Variants in RBM45 observed in about 807,000 individuals in gnomAD.
The protein encoded by RBM45 is RNA binding motif protein 45.
In RBM45, 39 loss-of-function variants were observed where a neutral mutation model predicts 58.5. That is an observed-to-expected ratio of 0.67 (90% CI 0.52 to 0.87). The LOEUF is 0.87. RBM45 is among the 40% of genes least tolerant of loss of function. The pLI is 0.00. For missense variants in RBM45, 481 were observed against 581.6 expected (o/e 0.83, Z 1.78); for synonymous variants, 193 against 203.0 (o/e 0.95, Z 0.42).
At chr2:178,117,200 T>C (rs931074714) in intron 2 of RBM45, among the ~76,000 whole-genome samples, 5 of 152,054 alleles carry the variant, frequency 3.3e-5, no homozygotes, top group African/African-American at 7.2e-5. Flanking sequence ...CTACCCCAAT[T>C]GAGAATTCAA....
intron 8 of RBM45, 34 bp from the exon 9 acceptor site, chr2:178,125,950 A>G (rs1015326564): frequency 2.0e-5 from 32 of 1,583,700 alleles, no homozygotes; most frequent in African/African-American, 8.1e-5. Context: ...GTATTTATCA[A>G]TTTTGGTTGA....
In RBM45 at chr2:178,126,020, AG is replaced by A. The variant is rs1190593253; in HGVS notation, c.1271del (p.Gly424GlufsTer13). ...GNLIEVYLVS[G>X]KNVGYAKYAD... The stretch of plus-strand genomic sequence containing the variant: ...ACCTGATCGAAGTTTACCTTGTGTC[AG>A]GAAAAAATGTGGGGTATGCCAAGTA... On this transcript the variant is annotated frameshift_variant, in exon 9 of 10. Transcript: ENST00000286070. LOFTEE classifies it high-confidence loss of function. 6.2e-7 allele frequency: 1 copy of A among 1,613,750 alleles called. No individual in the cohort carries two copies. Among genetic ancestry groups the A allele is most frequent in the South Asian group, 1.1e-5 (1 of 91,036 alleles).
At chr2:178,135,779 A>G (rs2088040720) in intron 3 of RBM45, among the ~76,000 whole-genome samples, 2 of 152,224 alleles carry the variant, frequency 1.3e-5, no homozygotes, top group Non-Finnish European at 1.5e-5. Flanking sequence ...AATAAGAAAG[A>G]TAATAATTAT....
chr2:178,128,046 C>G (rs374946046), intron 9 of RBM45, among the ~76,000 whole-genome samples: 1 of 132,188 alleles, frequency 7.6e-6, no homozygotes, highest in Non-Finnish European at 1.6e-5. Flanking sequence ...TAGTCTGTCA[C>G]CCAGGCTGGA....
chr2:178,126,172 A>G lies in RBM45; in HGVS notation c.1421A>G (p.Tyr474Cys). The G allele has an allele frequency of 6.2e-7, 1 of 1,612,820 alleles. No homozygotes were observed. Among genetic ancestry groups the G allele is most frequent in the Non-Finnish European group, 8.5e-7 (1 of 1,179,068 alleles). ...REESNKRQRT[Y>C] ...GAATCTAACAAACGGCAAAGAACTT[A>G]CTGATTCTTGAGGTAAGCCCTTTTT... Residue 474 changes from tyrosine to cysteine, a missense_variant, in exon 9 of 10, where the codon TAC becomes TGC. Tyr to Cys is a radical substitution (Grantham distance 194, BLOSUM62 -2). Transcript: ENST00000286070.
Position 178,129,447 on chromosome 2 carries a change from A to C in RBM45, c.*59A>C, listed in dbSNP as rs1388225584. 6.6e-6 allele frequency: 1 copy of C among 151,686 alleles called. No individual in the cohort carries two copies. The highest frequency in any genetic ancestry group is 1.5e-5 in the Non-Finnish European group (1 of 67,942). The allele number at this position is 151,686 out of a possible 1,614,324, so 9.4% of individuals were successfully genotyped here. ...CCTCAGCTGACTGACTGAAAATGTG[A>C]CTGGACGCATTCCCTGTGGACAGTT... On this transcript the variant is annotated 3_prime_UTR_variant, in exon 10 of 10. Transcript: ENST00000286070.
downstream of RBM45, among the ~76,000 whole-genome samples, chr2:178,130,761 T>G (rs936357081): frequency 6.6e-6 from 1 of 152,224 alleles, no homozygotes; most frequent in Admixed American, 6.5e-5. Context: ...GATGAAAGAT[T>G]AAATTCAGCA....
rs185460900 is a variant in RBM45 at position 178,119,455 on chromosome 2, G to A, written c.551-832G>A. Among the ~76,000 whole-genome samples, 173 of 152,320 alleles carry A rather than the reference G, an allele frequency of 1.1e-3. 2 individuals are homozygous for A. The highest frequency in any genetic ancestry group is 3.9e-3 in the African/African-American group (161 of 41,566). ...GAGTAAAGCACAGTATTTCTGCTGA[G>A]ACATTCTGAGACACAGTTAACTAGG... On this transcript the variant is annotated intron_variant, in intron 3 of 9. Coordinates refer to ENST00000286070, the MANE Select transcript of RBM45 (RefSeq NM_152945.4).
chr2:178,124,700 G>A (rs940251354), intron 8 of RBM45, among the ~76,000 whole-genome samples: 9 of 152,208 alleles, frequency 5.9e-5, no homozygotes, highest in Admixed American at 2.0e-4. Flanking sequence ...TGTGGTCGCA[G>A]ATACTTGGGA....
At chr2:178,120,024 A>G (rs1249606851) in intron 3 of RBM45, among the ~76,000 whole-genome samples, 1 of 152,174 alleles carries the variant, frequency 6.6e-6, no homozygotes, top group Non-Finnish European at 1.5e-5. Flanking sequence ...TGTTATCTGT[A>G]ATAGGGGGAG....
chr2:178,130,600 A>T (rs2087995805), downstream of RBM45, among the ~76,000 whole-genome samples: 1 of 152,198 alleles, frequency 6.6e-6, no homozygotes, highest in Admixed American at 6.5e-5. Context: ...AACAAAAAAA[A>T]ATTATTAGCT....
At position 178,112,457 on chromosome 2, in the gene RBM45, A is replaced by C; in HGVS notation, c.-90A>C. 1.6e-6 allele frequency: 2 copies of C among 1,260,282 alleles called. No homozygotes were observed. Among genetic ancestry groups the C allele is most frequent in the Non-Finnish European group, 2.2e-6 (2 of 898,022 alleles). The allele number at this position is 1,260,282 out of a possible 1,614,324, so 78.1% of individuals were successfully genotyped here. On this transcript the variant is annotated 5_prime_UTR_variant, in exon 1 of 10. Coordinates refer to ENST00000286070, the MANE Select transcript of RBM45 (RefSeq NM_152945.4). ...TCTTTCTCCCGGAAGCGGAGCACCG[A>C]GCCGGCAAAGGCTTGGGTGTGAGAC...
chr2:178,112,972 A>C, intron 1 of RBM45, 126 bp downstream of exon 1: 4 of 1,031,212 alleles, frequency 3.9e-6, no homozygotes, highest in Admixed American at 2.6e-5. Context: ...ACCAGACAGC[A>C]CCTGGCTTGG....
chr2:178,118,304 T>G, intron 3 of RBM45, 123 bp downstream of exon 3: 1 of 934,394 alleles, frequency 1.1e-6, no homozygotes, highest in Non-Finnish European at 1.5e-6. Flanking sequence ...GCAGTGGGTA[T>G]TTAAATATTT....
intron 8 of RBM45, 107 bp downstream of exon 8, chr2:178,124,397 G>T: frequency 1.7e-6 from 1 of 590,324 alleles, no homozygotes; most frequent in Non-Finnish European, 2.7e-6. Context: ...GAGAGTATTA[G>T]TTCTCTGCTT....
rs748416737 is a variant in RBM45, at chr2:178,112,561, C to A, written c.15C>A (p.Gly5=). The A allele has an allele frequency of 2.5e-6, 4 of 1,613,356 alleles. No homozygotes were observed. Among genetic ancestry groups the A allele is most frequent in the Non-Finnish European group, 3.4e-6 (4 of 1,179,762 alleles). Residue 5 remains glycine (G), a synonymous_variant, in exon 1 of 10, where the codon GGC becomes GGA. Coordinates refer to ENST00000286070, the MANE Select transcript of RBM45 (RefSeq NM_152945.4). MDEA[G]SSASGGGFRP... ...GGTGGAGCACCATGGACGAAGCTGG[C>A]AGCTCTGCGAGCGGCGGGGGCTTCC...
chr2:178,132,406 G>A (rs1193782654), downstream of RBM45, among the ~76,000 whole-genome samples: 1 of 152,160 alleles, frequency 6.6e-6, no homozygotes. Flanking sequence ...TCTGAATTTT[G>A]TTCTCTCTTA....
chr2:178,120,357 T>C lies in RBM45; in HGVS notation c.621T>C (p.Asn207=). 2 of 1,613,264 alleles carry C rather than the reference T, an allele frequency of 1.2e-6. No individual in the cohort carries two copies. Among genetic ancestry groups the C allele is most frequent in the African/African-American group, 2.7e-5 (2 of 74,986 alleles). ...CCTCTGAACAAGATTATTATAGTAATATGAGGCAAGAAGCTTTGGGACATG... is the reference window on the plus strand; with the variant it reads ...CCTCTGAACAAGATTATTATAGTAACATGAGGCAAGAAGCTTTGGGACATG... ...SESSEQDYYS[N]MRQEALGHEP... is the part of the protein sequence containing the mutation. The change falls in exon 4 of 10, where the codon AAT becomes AAC. Residue 207 remains asparagine, a synonymous_variant. Coordinates refer to ENST00000286070, the MANE Select transcript of RBM45 (RefSeq NM_152945.4).
Position 178,124,131 on chromosome 2 carries a change from T to G in RBM45, c.1073T>G (p.Phe358Cys), listed in dbSNP as rs772867292. The change falls in exon 8 of 10, where the codon TTT becomes TGT. Residue 358 changes from phenylalanine (F) to cysteine (C), a missense_variant. By Grantham distance (205) the Phe-to-Cys change is radical. Coordinates refer to ENST00000286070, the MANE Select transcript of RBM45 (RefSeq NM_152945.4). ...TTGTTTTCTACCTGTTAACAGCAAT[T>G]TGGAGGAAGCTCTGGATCACAGTTG... ...NNPSQQQFMQ[F>C]GGSSGSQLPQ... 1 of 1,583,038 alleles carries G rather than the reference T, an allele frequency of 6.3e-7. No homozygotes were observed. Among genetic ancestry groups the G allele is most frequent in the African/African-American group, 1.4e-5 (1 of 72,676 alleles).
Sources: allele counts gnomAD v4.1 joint callset (sites outside exome capture counted in the v4.1 genomes callset), GRCh38; gene constraint gnomAD v4.1.1; transcripts MANE v1.5; gene names NCBI Gene and HGNC (gene_info 2026-07-23, HGNC 2026-07-21).